The following GALNT14 variants were observed in gnomAD, a reference collection of about 807,000 sequenced individuals.
GALNT14 encodes polypeptide N-acetylgalactosaminyltransferase 14, also known as UDP-GalNAc:polypeptide N-acetylgalactosaminyltransferase 14.
Under a neutral mutation model 77.5 loss-of-function variants are expected in GALNT14, and 60 were observed. The ratio of observed to expected loss-of-function variants is 0.77; its 90% CI spans 0.63 to 0.96. GALNT14 has a LOEUF of 0.96. GALNT14 is among the 40% of genes least tolerant of loss of function. The pLI is 0.00. For synonymous variants in GALNT14, 280 were observed against 281.7 expected (o/e 0.99, Z 0.06); for missense variants, 710 against 731.0 (o/e 0.97, Z 0.33).
intron 1 of GALNT14, among the ~76,000 whole-genome samples, chr2:31,038,069 T>TAC (rs1672854760): frequency 1.2e-5 from 1 of 82,846 alleles, no homozygotes; most frequent in African/African-American, 5.9e-5. Context: ...ATTTGCCATA[T>TAC]ATATATATAT....
chr2:31,041,574 A>G (rs1673095189), intron 1 of GALNT14, among the ~76,000 whole-genome samples: 1 of 152,092 alleles, frequency 6.6e-6, no homozygotes, highest in Admixed American at 6.5e-5. Flanking sequence ...AGTGATGATG[A>G]GGTCAGAGAG....
In GALNT14 at chr2:30,973,554, A is replaced by C. The variant is rs374236344; in HGVS notation, c.300-7252T>G. On this transcript the variant is annotated intron_variant, in intron 2 of 14. Coordinates refer to ENST00000349752, the MANE Select transcript of GALNT14 (RefSeq NM_024572.4). ...AGGAAGCCTGCTCTCAGCTATGAGG[A>C]AAAATATAAAATGCCGAATCTGTGG... 1.3e-3 allele frequency among the ~76,000 whole-genome samples: 192 copies of C among 152,344 alleles called. 2 individuals are homozygous for C. The highest frequency in any genetic ancestry group is 4.4e-3 in the African/African-American group (184 of 41,584).
intron 1 of GALNT14, among the ~76,000 whole-genome samples, chr2:31,052,164 C>A (rs976454589): frequency 6.6e-6 from 1 of 152,058 alleles, no homozygotes; most frequent in African/African-American, 2.4e-5. Context: ...GAAGTAGCAC[C>A]CAGGACACTG....
chr2:31,074,625 G>A (rs1436210177), intron 1 of GALNT14, among the ~76,000 whole-genome samples: 1 of 152,074 alleles, frequency 6.6e-6, no homozygotes, highest in Non-Finnish European at 1.5e-5. Flanking sequence ...CTGCAGTAGT[G>A]GCTACTATAC....
chr2:30,990,143 GC>G (rs1452604098), intron 2 of GALNT14, among the ~76,000 whole-genome samples: 1 of 152,174 alleles, frequency 6.6e-6, no homozygotes, highest in Non-Finnish European at 1.5e-5. Context: ...TGTGCTACTG[GC>G]ATCTAGTAGG....
rs539139095 is a variant in GALNT14, at chr2:31,120,676, C to T, written c.129+17282G>A. Among the ~76,000 whole-genome samples the T allele has an allele frequency of 5.9e-5, 9 of 152,274 alleles. 1 individual carries two copies. In the South Asian group the frequency reaches 6.2e-4, roughly 11 times the overall value. ...GGCTCAAGTGATTCTCCTGCCTCAG[C>T]CTCCTGAGTAGCTAGGACTACAGAT... On this transcript the variant is annotated intron_variant, in intron 1 of 14. Transcript: ENST00000349752.
intron 1 of GALNT14, among the ~76,000 whole-genome samples, chr2:31,059,094 C>T (rs989544770): frequency 6.6e-6 from 1 of 152,120 alleles, no homozygotes; most frequent in Non-Finnish European, 1.5e-5. Flanking sequence ...GTAAAAAGCA[C>T]ACAGATAAAA....
chr2:30,956,291 G>A (rs1195976336), intron 4 of GALNT14, among the ~76,000 whole-genome samples: 1 of 152,118 alleles, frequency 6.6e-6, no homozygotes, highest in Non-Finnish European at 1.5e-5. Flanking sequence ...GTCACCTGGG[G>A]ACATTTCTCT....
At chr2:31,063,112 T>A (rs936128961) in intron 1 of GALNT14, among the ~76,000 whole-genome samples, 4 of 152,238 alleles carry the variant, frequency 2.6e-5, no homozygotes, top group African/African-American at 4.8e-5. Context: ...GCTTTTGGTG[T>A]TTTAGTCATG....
chr2:31,016,770 C>T (rs1463729486), intron 1 of GALNT14, among the ~76,000 whole-genome samples: 1 of 152,160 alleles, frequency 6.6e-6, no homozygotes, highest in African/African-American at 2.4e-5. Flanking sequence ...GAGCATCTTC[C>T]CCCGCCTGCC....
chr2:30,892,380 T>A, the GALNT14 span, among the ~76,000 whole-genome samples: 50,479 of 151,976 alleles, frequency 0.33, 9,542 homozygotes, highest in East Asian at 0.55. Flanking sequence ...TATAAAGAGA[T>A]GTTTAAAAGC....
intron 1 of GALNT14, among the ~76,000 whole-genome samples, chr2:31,115,959 T>C (rs1278768867): frequency 1.3e-5 from 2 of 152,164 alleles, no homozygotes; most frequent in Non-Finnish European, 2.9e-5. Context: ...AGTTTGAAGC[T>C]ACAGTGAGCT....
intron 1 of GALNT14, among the ~76,000 whole-genome samples, chr2:31,022,051 A>C (rs1457149131): frequency 6.6e-6 from 1 of 152,234 alleles, no homozygotes; most frequent in African/African-American, 2.4e-5. Flanking sequence ...AGATAGAAGA[A>C]AGATTCCGTC....
intron 4 of GALNT14, among the ~76,000 whole-genome samples, chr2:30,957,542 G>C (rs578145083): frequency 6.6e-6 from 1 of 152,282 alleles, no homozygotes; most frequent in East Asian, 1.9e-4. Flanking sequence ...CCAGAACTCA[G>C]AGTCTTGATC....
chr2:31,046,347 C>T (rs1673459631), intron 1 of GALNT14, among the ~76,000 whole-genome samples: 1 of 152,072 alleles, frequency 6.6e-6, no homozygotes, highest in South Asian at 2.1e-4. Context: ...CTGCCTCAGC[C>T]TCCCAAGTAG....
intron 1 of GALNT14, among the ~76,000 whole-genome samples, chr2:31,042,319 G>A (rs1573226003): frequency 1.3e-5 from 2 of 152,204 alleles, no homozygotes; most frequent in Admixed American, 6.5e-5. Context: ...GCATATCTAT[G>A]TATGAATATG....
chr2:30,921,262 G>A (rs1344743221), intron 13 of GALNT14, among the ~76,000 whole-genome samples: 1 of 152,118 alleles, frequency 6.6e-6, no homozygotes, highest in African/African-American at 2.4e-5. Flanking sequence ...CTGTTCTGCT[G>A]GAAACAGACC....
intron 13 of GALNT14, 51 bp from the exon 14 acceptor site, chr2:30,912,393 C>T (rs747247983): frequency 1.9e-6 from 3 of 1,603,836 alleles, no homozygotes; most frequent in East Asian, 2.2e-5. Flanking sequence ...GAAGCCACCA[C>T]TCGTGGGATA....
chr2:31,058,749 A>G (rs1674400030), intron 1 of GALNT14, among the ~76,000 whole-genome samples: 1 of 152,200 alleles, frequency 6.6e-6, no homozygotes, highest in Non-Finnish European at 1.5e-5. Flanking sequence ...ACATCTCCAC[A>G]ACATTATAAT....
Sources: allele counts gnomAD v4.1 joint callset (sites outside exome capture counted in the v4.1 genomes callset), GRCh38; gene constraint gnomAD v4.1.1; transcripts MANE v1.5; gene names NCBI Gene and HGNC (gene_info 2026-07-23, HGNC 2026-07-21).